Variants in ST3GAL6 observed in about 807,000 individuals in gnomAD.
ST3GAL6 encodes type 2 lactosamine alpha-2,3-sialyltransferase.
A neutral mutation model predicts 40.5 loss-of-function variants in ST3GAL6; 31 were observed. The ratio of observed to expected loss-of-function variants is 0.77; its 90% CI spans 0.58 to 1.03. The LOEUF is 1.03. Ranked by LOEUF, ST3GAL6 falls within the 50% of genes least tolerant of loss-of-function variation. ST3GAL6 has a pLI of 0.00. For synonymous variants in ST3GAL6, 129 were observed against 136.9 expected, an observed-to-expected ratio of 0.94 and a Z score of 0.40; for missense variants, 357 against 393.2, an observed-to-expected ratio of 0.91 and a Z score of 0.78.
intron 8 of ST3GAL6, 144 bp downstream of exon 8, chr3:98,788,607 A>T: frequency 1.5e-6 from 1 of 679,516 alleles, no homozygotes; most frequent in South Asian, 3.4e-5. Flanking sequence ...AAAAGTAGTT[A>T]TCTATGGATA....
rs189057093 is a variant in ST3GAL6 at position 98,782,570 on chromosome 3, C to T, written c.336-2375C>T. On this transcript the variant is annotated intron_variant, in intron 5 of 9. Coordinates refer to ENST00000483910, the MANE Select transcript of ST3GAL6 (RefSeq NM_001323368.2). ...ATCCAAGTACCATGCTCTTTACTGC[C>T]TCTCCTGCTTCCAGCACTGTCCCTG... is the stretch of plus-strand genomic sequence containing the variant. The T allele has an allele frequency of 6.3e-4, 339 of 534,362 alleles. 1 individual carries two copies. The Middle Eastern group carries it at 0.011, about 17-fold the overall frequency. 33.1% of individuals were successfully genotyped at this position (534,362 alleles called of 1,614,324 possible).
chr3:98,758,505 T>C (rs1219746086), upstream of ST3GAL6, among the ~76,000 whole-genome samples: 2 of 152,220 alleles, frequency 1.3e-5, no homozygotes, highest in Non-Finnish European at 2.9e-5. Context: ...AAAAAAGATA[T>C]GGTTTCTATA....
chr3:98,785,113 G>T, intron 6 of ST3GAL6, 73 bp downstream of exon 6: 4 of 1,033,202 alleles, frequency 3.9e-6, no homozygotes, highest in East Asian at 2.5e-5. Context: ...ATACAGCTGT[G>T]TTTTGACAGG....
intron 1 of ST3GAL6, among the ~76,000 whole-genome samples, chr3:98,757,876 C>T (rs1937527018): frequency 6.6e-6 from 1 of 151,200 alleles, no homozygotes; most frequent in South Asian, 2.1e-4. Context: ...TGCTCTGTTG[C>T]CCAGGCTGGA....
At chr3:98,732,750 C>T in intron 1 of ST3GAL6, 2 of 1,093,910 alleles carry the variant, frequency 1.8e-6, no homozygotes, top group Non-Finnish European at 2.5e-6. Context: ...CCGGGCAGGG[C>T]TGCTCCCTCC....
intron 1 of ST3GAL6, among the ~76,000 whole-genome samples, chr3:98,742,576 T>C (rs932075351): frequency 6.6e-6 from 1 of 152,188 alleles, no homozygotes; most frequent in Non-Finnish European, 1.5e-5. Flanking sequence ...TATTGAGGGG[T>C]CCATGCTTAC....
At chr3:98,786,870 C>T (rs558581505) in intron 6 of ST3GAL6, among the ~76,000 whole-genome samples, 1 of 151,496 alleles carries the variant, frequency 6.6e-6, no homozygotes, top group African/African-American at 2.4e-5. Flanking sequence ...ACCAAGAGTC[C>T]CTCTGATGTA....
At chr3:98,765,346 T>G (rs1426231379) in intron 1 of ST3GAL6, among the ~76,000 whole-genome samples, 1 of 152,226 alleles carries the variant, frequency 6.6e-6, no homozygotes, top group Non-Finnish European at 1.5e-5. Context: ...TATTTCTGTC[T>G]TCCTTAAACT....
upstream of ST3GAL6, among the ~76,000 whole-genome samples, chr3:98,762,280 A>G (rs1559734882): frequency 6.6e-6 from 1 of 152,232 alleles, no homozygotes; most frequent in Non-Finnish European, 1.5e-5. Context: ...AAATCAGTCA[A>G]AATGTATACA....
chr3:98,733,898 A>T (rs1209400380), intron 1 of ST3GAL6, among the ~76,000 whole-genome samples: 1 of 152,138 alleles, frequency 6.6e-6, no homozygotes, highest in Admixed American at 6.5e-5. Context: ...GTAGGGATGA[A>T]AATAACGTGG....
At chr3:98,793,450 T>C (rs1941375607) in intron 9 of ST3GAL6, among the ~76,000 whole-genome samples, 1 of 152,188 alleles carries the variant, frequency 6.6e-6, no homozygotes, top group Admixed American at 6.5e-5. Flanking sequence ...GAGTCTTACT[T>C]ATGTGAGAGT....
At chr3:98,738,398 T>C (rs1935758789) in intron 1 of ST3GAL6, among the ~76,000 whole-genome samples, 1 of 151,976 alleles carries the variant, frequency 6.6e-6, no homozygotes, top group South Asian at 2.1e-4. Flanking sequence ...CTCAGCCTCC[T>C]AGGTAGCTGG....
At chr3:98,768,657 A>C in intron 2 of ST3GAL6, 128 bp downstream of exon 2, 1 of 702,786 alleles carries the variant, frequency 1.4e-6, no homozygotes, top group Non-Finnish European at 2.4e-6. Flanking sequence ...TTCCATTGTA[A>C]ATTGGGGTTT....
rs560898386 is a variant in ST3GAL6 at position 98,751,654 on chromosome 3, A to G, written c.-11-16776A>G. 2.6e-5 allele frequency among the ~76,000 whole-genome samples: 4 copies of G among 152,322 alleles called. No individual in the cohort carries two copies. In the South Asian group the frequency reaches 6.2e-4, roughly 24 times the overall value. ...AGTACATTCTCATTTAATGTCATTA[A>G]TAGGTTTTTGGAAACTACAACCTTA... On this transcript the variant is annotated intron_variant, in intron 1 of 9. Coordinates refer to the ST3GAL6 transcript ENST00000265261.
At chr3:98,770,689 C>G (rs1227393322) in intron 2 of ST3GAL6, among the ~76,000 whole-genome samples, 190 bp from the exon 3 acceptor site, 2 of 152,170 alleles carry the variant, frequency 1.3e-5, no homozygotes, top group African/African-American at 2.4e-5. Flanking sequence ...CCTTTCCTTA[C>G]ATCCATGAAT....
At chr3:98,784,876 A>G (rs1940537704) in intron 5 of ST3GAL6, 69 bp from the exon 6 acceptor site, 1 of 1,268,464 alleles carries the variant, frequency 7.9e-7, no homozygotes, top group Non-Finnish European at 1.1e-6. Context: ...TTCTGACAGT[A>G]TGCATGGATT....
intron 1 of ST3GAL6, among the ~76,000 whole-genome samples, chr3:98,737,878 CA>C (rs1935688306): frequency 6.6e-6 from 1 of 152,090 alleles, no homozygotes; most frequent in Non-Finnish European, 1.5e-5. Context: ...CAACAAAAAC[CA>C]CAAAAGACAA....
chr3:98,768,601 AG>A (rs1938630826), intron 2 of ST3GAL6, 72 bp downstream of exon 2: 1 of 1,147,592 alleles, frequency 8.7e-7, no homozygotes, highest in South Asian at 1.3e-5. Flanking sequence ...ATTATAGTAG[AG>A]GGTCCTATGA....
intron 1 of ST3GAL6, among the ~76,000 whole-genome samples, chr3:98,748,244 G>A (rs754442055): frequency 4.6e-5 from 7 of 152,180 alleles, no homozygotes; most frequent in Non-Finnish European, 7.3e-5. Context: ...GACCCTGGCA[G>A]CAAACTGCCT....
Sources: gnomAD v4.1 joint callset for allele counts (sites outside exome capture counted in the v4.1 genomes callset) on GRCh38, gnomAD v4.1.1 for gene constraint, MANE v1.5 for transcripts, NCBI Gene and HGNC (gene_info 2026-07-23, HGNC 2026-07-21) for gene names.